ABLIM1: variants seen among roughly 807,000 people sequenced by gnomAD.
ABLIM1 encodes actin-binding LIM protein 1.
Under a neutral mutation model 107.0 loss-of-function variants are expected in ABLIM1, and 40 were observed. The ratio of observed to expected loss-of-function variants is 0.37; its 90% CI spans 0.29 to 0.49. The LOEUF is 0.49. Among genes scored for constraint, ABLIM1 ranks in the 20% least tolerant of loss-of-function variants. The pLI is 0.97. For missense variants in ABLIM1, 857 were observed against 1,008.5 expected (o/e 0.85, Z 2.04); for synonymous variants, 357 against 357.3 (o/e 1.00, Z 0.01).
Position 114,441,748 on chromosome 10 carries a change from C to T in ABLIM1, c.1972G>A (p.Gly658Ser). ...CGGTGAAGCCCATTTCTTCCATAGC[C>T]AGGGAGAGATGCAGTTTTAGATGAT... is the stretch of plus-strand genomic sequence containing the variant. Reference protein sequence around the residue: ...IPSSKTASLPGYGRNGLHRPV... With the variant: ...IPSSKTASLPSYGRNGLHRPV... Residue 658 changes from glycine (G) to serine (S), a missense_variant, in exon 18 of 23, where the codon GGC becomes AGC. By Grantham distance (56) the Gly-to-Ser change is moderately conservative. Coordinates refer to ENST00000533213, the MANE Select transcript of ABLIM1 (RefSeq NM_002313.7). The T allele has an allele frequency of 6.2e-7, 1 of 1,613,992 alleles. No individual in the cohort carries two copies. The highest frequency in any genetic ancestry group is 8.5e-7 in the Non-Finnish European group (1 of 1,179,938).
chr10:114,715,340 C>A (rs217198), intron 1 of ABLIM1, among the ~76,000 whole-genome samples: 8,667 of 152,246 alleles, frequency 0.057, 326 homozygotes, highest in Middle Eastern at 0.092. Context: ...CACCAAAGAT[C>A]AGTATCCGAG....
chr10:114,537,304 A>AT (rs1295807951), intron 6 of ABLIM1, among the ~76,000 whole-genome samples: 1 of 152,116 alleles, frequency 6.6e-6, no homozygotes, highest in Middle Eastern at 3.4e-3. Flanking sequence ...TCATATGAGT[A>AT]TTTTTTTACA....
chr10:114,639,790 C>T (rs1591698065), intron 1 of ABLIM1, among the ~76,000 whole-genome samples: 1 of 152,190 alleles, frequency 6.6e-6, no homozygotes, highest in Non-Finnish European at 1.5e-5. Context: ...GAGCGGAGCA[C>T]ACATGTGAAC....
Position 114,559,438 on chromosome 10 carries a change from C to CAAAA in ABLIM1, c.674-11666_674-11663dup, listed in dbSNP as rs72456292. Among the ~76,000 whole-genome samples the CAAAA allele has an allele frequency of 3.8e-3, 187 of 49,048 alleles. 3 individuals are homozygous for CAAAA. The highest frequency in any genetic ancestry group is 0.029 in the East Asian group (46 of 1,580). The allele number at this position is 49,048 out of a possible 152,430, so 32.2% of individuals were successfully genotyped here. A position where few individuals can be genotyped will look rare whatever the true frequency, so the allele number is the denominator to read the frequency against. On this transcript the variant is annotated intron_variant, in intron 4 of 22. Transcript: ENST00000533213. ...GACAACATAGCAAAAACTCGTCTCTCAAAAAAAAAAAAAAAAAAAAAAAAG... is the reference window on the plus strand; with the variant it reads ...GACAACATAGCAAAAACTCGTCTCTCAAAAAAAAAAAAAAAAAAAAAAAAAAAAG...
intron 1 of ABLIM1, among the ~76,000 whole-genome samples, chr10:114,726,247 G>A (rs2081956536): frequency 6.6e-6 from 1 of 152,138 alleles, no homozygotes; most frequent in Non-Finnish European, 1.5e-5. Context: ...GTTCAATTTT[G>A]CCAGTAGGCA....
chr10:114,643,980 T>G (rs2078865398), intron 1 of ABLIM1, among the ~76,000 whole-genome samples: 1 of 151,718 alleles, frequency 6.6e-6, no homozygotes, highest in African/African-American at 2.4e-5. Flanking sequence ...TAAATAATTT[T>G]TAAAAAATAC....
At chr10:114,630,484 A>G (rs946892448) in intron 1 of ABLIM1, among the ~76,000 whole-genome samples, 2 of 152,246 alleles carry the variant, frequency 1.3e-5, no homozygotes, top group African/African-American at 4.8e-5. Context: ...CCAAAGCTAC[A>G]GCATGTGATT....
chr10:114,556,593 A>G (rs1230770726), intron 4 of ABLIM1, among the ~76,000 whole-genome samples: 1 of 152,232 alleles, frequency 6.6e-6, no homozygotes, highest in African/African-American at 2.4e-5. Flanking sequence ...AGAGTTGGGC[A>G]GCAGTTTTGA....
chr10:114,573,805 A>G (rs2138884610), intron 3 of ABLIM1, among the ~76,000 whole-genome samples: 2 of 152,286 alleles, frequency 1.3e-5, no homozygotes, highest in African/African-American at 4.8e-5. Context: ...GCTAAATCAC[A>G]TAGGTCTCAA....
chr10:114,449,458 C>T (rs546193229), intron 14 of ABLIM1, among the ~76,000 whole-genome samples: 3 of 152,096 alleles, frequency 2.0e-5, no homozygotes, highest in African/African-American at 7.2e-5. Flanking sequence ...GTCTTTTTTC[C>T]CTTCCTTGGA....
chr10:114,660,606 T>C (rs2141241858), upstream of ABLIM1, among the ~76,000 whole-genome samples: 1 of 152,166 alleles, frequency 6.6e-6, no homozygotes, highest in East Asian at 1.9e-4. Context: ...TCTTCTAGAG[T>C]GTTTTGTAAT....
rs776670411 is a variant in ABLIM1 at position 114,439,232 on chromosome 10, T to C, written c.2086A>G (p.Met696Val). 9 of 1,614,250 alleles carry C rather than the reference T, an allele frequency of 5.6e-6. No individual in the cohort carries two copies. In the South Asian group the frequency reaches 9.9e-5, roughly 18 times the overall value. Reference protein sequence around the residue: ...RDYQTLPDGHMPAMRMDRGVS... With the variant: ...RDYQTLPDGHVPAMRMDRGVS... ...CCTCGGTCCATTCTCATTGCAGGCA[T>C]GTGGCCATCTGGGAGTGTCTGCAAC... Residue 696 changes from methionine to valine, a missense_variant, in exon 21 of 23, where the codon ATG becomes GTG. Transcript: ENST00000533213.
intron 6 of ABLIM1, among the ~76,000 whole-genome samples, chr10:114,498,175 C>A (rs546163009): frequency 2.0e-5 from 3 of 152,256 alleles, no homozygotes; most frequent in African/African-American, 7.2e-5. Flanking sequence ...TTTAACATCT[C>A]CAAGCCTCAG....
chr10:114,797,912 C>T, the ABLIM1 span, among the ~76,000 whole-genome samples: 1,969 of 152,230 alleles, frequency 0.013, 36 homozygotes, highest in African/African-American at 0.043. Flanking sequence ...TAACATAACA[C>T]ATTTTTGTCC....
the ABLIM1 span, among the ~76,000 whole-genome samples, chr10:114,792,625 TCTC>T: frequency 6.6e-6 from 1 of 152,168 alleles, no homozygotes; most frequent in Non-Finnish European, 1.5e-5. Flanking sequence ...ATTCTCCTCT[TCTC>T]CTTCTCAGGT....
intron 6 of ABLIM1, among the ~76,000 whole-genome samples, chr10:114,497,281 C>A (rs1590454959): frequency 2.0e-5 from 3 of 152,224 alleles, no homozygotes; most frequent in Non-Finnish European, 4.4e-5. Flanking sequence ...TGGCAGCCGT[C>A]CTGCCTGAGC....
intron 1 of ABLIM1, among the ~76,000 whole-genome samples, chr10:114,725,486 A>T (rs969509333): frequency 6.6e-6 from 1 of 152,158 alleles, no homozygotes; most frequent in African/African-American, 2.4e-5. Context: ...TATCAAATTT[A>T]AAAAACAAAG....
At chr10:114,566,391 C>G (rs2070747443) in intron 4 of ABLIM1, among the ~76,000 whole-genome samples, 1 of 152,158 alleles carries the variant, frequency 6.6e-6, no homozygotes, top group African/African-American at 2.4e-5. Flanking sequence ...TCCCTACACT[C>G]TCAGTTGCCA....
chr10:114,779,663 C>T, the ABLIM1 span: 2 of 152,110 alleles, frequency 1.3e-5, no homozygotes, highest in East Asian at 3.8e-4. Flanking sequence ...TCTTAAAGGT[C>T]TTTTCATATC....
Sources: allele counts gnomAD v4.1 joint callset (sites outside exome capture counted in the v4.1 genomes callset), GRCh38; gene constraint gnomAD v4.1.1; transcripts MANE v1.5; gene names NCBI Gene and HGNC (gene_info 2026-07-23, HGNC 2026-07-21).